The following MIPOL1 variants were observed in gnomAD, a reference collection of about 807,000 sequenced individuals.
MIPOL1 encodes mirror-image polydactyly gene 1 protein.
A neutral mutation model predicts 60.9 loss-of-function variants in MIPOL1; 57 were observed. That is an observed-to-expected ratio of 0.94 (90% CI 0.76 to 1.17). MIPOL1 has a LOEUF of 1.17. MIPOL1 is among the 50% of genes most tolerant of loss of function. The probability of loss-of-function intolerance (pLI) is 0.00; values close to 1 mark genes in which losing one functional copy is unlikely to be tolerated. For synonymous variants in MIPOL1, 179 were observed against 168.8 expected (o/e 1.06, Z -0.47); for missense variants, 551 against 511.6 (o/e 1.08, Z -0.74).
rs529743861 is a variant in MIPOL1 at position 37,450,968 on chromosome 14, C to T, written c.1031+28019C>T. Among the ~76,000 whole-genome samples, 26 of 152,078 alleles carry T rather than the reference C, an allele frequency of 1.7e-4. No individual in the cohort carries two copies. In the South Asian group the frequency reaches 4.8e-3, roughly 28 times the overall value. ...TTTAAGAAGCCTTGTACCCTGATAA[C>T]GTAAAATATTCTGTATTCACTTAAA... On this transcript the variant is annotated intron_variant, in intron 11 of 12. Coordinates refer to ENST00000684589, the MANE Select transcript of MIPOL1 (RefSeq NM_001388067.1).
chr14:37,473,337 A>G (rs1424044635), intron 11 of MIPOL1, among the ~76,000 whole-genome samples: 2 of 152,248 alleles, frequency 1.3e-5, no homozygotes, highest in East Asian at 1.9e-4. Flanking sequence ...TTGTCCAGAC[A>G]TAAGAACTGT....
intron 9 of MIPOL1, among the ~76,000 whole-genome samples, chr14:37,361,309 A>G (rs2092222964): frequency 6.6e-6 from 1 of 152,164 alleles, no homozygotes; most frequent in Non-Finnish European, 1.5e-5. Context: ...TTTGGGGTGA[A>G]GAGTTCTGTA....
intron 12 of MIPOL1, chr14:37,503,456 T>A (rs78746070): frequency 1.3e-5 from 2 of 152,182 alleles, no homozygotes; most frequent in Non-Finnish European, 2.9e-5. Flanking sequence ...ATATTCAACA[T>A]TCTTAAAGAA....
intron 11 of MIPOL1, among the ~76,000 whole-genome samples, chr14:37,468,069 A>AG (rs1328234926): frequency 3.3e-5 from 5 of 151,698 alleles, no homozygotes; most frequent in African/African-American, 9.7e-5. Context: ...AAAAAAAAAA[A>AG]AGAGAGATCA....
Position 37,242,835 on chromosome 14 carries a change from T to A in MIPOL1, c.-198-4268T>A, listed in dbSNP as rs1398264815. On this transcript the variant is annotated intron_variant, in intron 1 of 12. Transcript: ENST00000684589. ...TTCATGAAGGCAGTAGTGCAGGTAATGTGATGAGAAAAGAGTTTCTACTTT... is the reference window on the plus strand; with the variant it reads ...TTCATGAAGGCAGTAGTGCAGGTAAAGTGATGAGAAAAGAGTTTCTACTTT... 4.6e-5 allele frequency among the ~76,000 whole-genome samples: 7 copies of A among 152,272 alleles called. No homozygotes were observed. In the South Asian group the frequency reaches 6.2e-4, roughly 14 times the overall value.
chr14:37,405,201 G>GC (rs1364209400), intron 10 of MIPOL1, among the ~76,000 whole-genome samples: 1 of 152,128 alleles, frequency 6.6e-6, no homozygotes, highest in African/African-American at 2.4e-5. Context: ...GCAGCAGTGT[G>GC]CCCTAGGCTG....
At chr14:37,261,641 A>G (rs1042172706) in intron 3 of MIPOL1, among the ~76,000 whole-genome samples, 4 of 152,146 alleles carry the variant, frequency 2.6e-5, no homozygotes, top group Non-Finnish European at 5.9e-5. Flanking sequence ...GAGAAATCAA[A>G]ATAGAGAAAC....
intron 10 of MIPOL1, among the ~76,000 whole-genome samples, chr14:37,391,500 A>G (rs2093238954): frequency 6.6e-6 from 1 of 150,844 alleles, no homozygotes; most frequent in Non-Finnish European, 1.5e-5. Context: ...AGTTCAAGCC[A>G]TTCTCCTGCC....
At chr14:37,371,598 T>C (rs377190102) in intron 10 of MIPOL1, among the ~76,000 whole-genome samples, 2 of 152,148 alleles carry the variant, frequency 1.3e-5, no homozygotes, top group South Asian at 4.1e-4. Context: ...TTAAAACTCA[T>C]CAACTCAATC....
At chr14:37,201,512 A>G (rs1965340551) in intron 1 of MIPOL1, among the ~76,000 whole-genome samples, 1 of 152,194 alleles carries the variant, frequency 6.6e-6, no homozygotes, top group African/African-American at 2.4e-5. Context: ...AATATATAAT[A>G]TAGTTATTGT....
At chr14:37,325,066 A>G (rs765412771) in intron 9 of MIPOL1, among the ~76,000 whole-genome samples, 73 of 152,130 alleles carry the variant, frequency 4.8e-4, no homozygotes, top group Non-Finnish European at 8.4e-4. Context: ...AATTTCTACA[A>G]AACACCTGAT....
chr14:37,495,105 T>G (rs2095101897), intron 11 of MIPOL1, among the ~76,000 whole-genome samples: 3 of 138,366 alleles, frequency 2.2e-5, no homozygotes, highest in Non-Finnish European at 4.6e-5. Context: ...TTTTTTTTTC[T>G]AGGTAATTTT....
chr14:37,277,470 A>T (rs1273338576), intron 6 of MIPOL1: 2 of 151,360 alleles, frequency 1.3e-5, no homozygotes, highest in Non-Finnish European at 3.0e-5. Flanking sequence ...CACATATATT[A>T]AATCTTTGAA....
At chr14:37,261,851 A>C (rs567804604) in intron 3 of MIPOL1, among the ~76,000 whole-genome samples, 1 of 152,198 alleles carries the variant, frequency 6.6e-6, no homozygotes, top group South Asian at 2.1e-4. Flanking sequence ...GTACAGCTAT[A>C]TTGTGGAGCC....
At position 37,303,097 on chromosome 14, in the gene MIPOL1, G is replaced by T. The variant is rs191950458; in HGVS notation, c.624-4959G>T. Among the ~76,000 whole-genome samples the T allele has an allele frequency of 1.3e-3, 190 of 151,828 alleles. 2 individuals carry two copies. The highest frequency in any genetic ancestry group is 5.6e-4 in the Non-Finnish European group (38 of 67,818). ...TATTCATGAGATTTGCTTCTAAAAA[G>T]ATTTTTATGCTTTAAAAAAATCAAA... On this transcript the variant is annotated intron_variant, in intron 7 of 12. Coordinates refer to ENST00000684589, the MANE Select transcript of MIPOL1 (RefSeq NM_001388067.1).
chr14:37,266,806 C>A (rs2082908973), intron 3 of MIPOL1, 132 bp from the exon 4 acceptor site: 2 of 669,592 alleles, frequency 3.0e-6, no homozygotes, highest in African/African-American at 1.8e-5. Flanking sequence ...TATCTGATTA[C>A]AGTAGGAGTA....
rs531400009 is a variant in MIPOL1, at chr14:37,518,993, A to T, written c.1262+18855A>T. Among the ~76,000 whole-genome samples, 13 of 152,310 alleles carry T rather than the reference A, an allele frequency of 8.5e-5. 1 individual carries two copies. Among genetic ancestry groups the T allele is most frequent in the African/African-American group, 3.1e-4 (13 of 41,572 alleles). Reference sequence around the variant, plus strand: ...CTACAAACGTACTCAAAAACAAGAGATGAAGGATAAAGCGGAAACAGCCTT... The same window carrying T: ...CTACAAACGTACTCAAAAACAAGAGTTGAAGGATAAAGCGGAAACAGCCTT... On this transcript the variant is annotated intron_variant, in intron 12 of 12. Coordinates refer to ENST00000684589, the MANE Select transcript of MIPOL1 (RefSeq NM_001388067.1).
In MIPOL1 at chr14:37,546,894, C is replaced by T. The variant is rs991786; in HGVS notation, c.1263-11C>T. The stretch of plus-strand genomic sequence containing the variant: ...TTTCCCCTTCTCACCCCCATCCCAA[C>T]CCCAACTTAGGTTGGAAAGGCTGGT... On this transcript the variant is annotated splice_polypyrimidine_tract_variant and intron_variant, in intron 12 of 12. Coordinates refer to ENST00000684589, the MANE Select transcript of MIPOL1 (RefSeq NM_001388067.1). The T allele has an allele frequency of 0.099, 159,869 of 1,610,356 alleles. 8,934 individuals are homozygous for T. The highest frequency in any genetic ancestry group is 0.11 in the Non-Finnish European group (130,659 of 1,176,996).
chr14:37,426,564 A>AATATATATATAT (rs2093963139), intron 11 of MIPOL1, among the ~76,000 whole-genome samples: 4 of 20,624 alleles, frequency 1.9e-4, no homozygotes, highest in South Asian at 1.8e-3. Context: ...TCTGTCTCAA[A>AATATATATATAT]ATATACATAT....
Sources: gnomAD v4.1 joint callset for allele counts (sites outside exome capture counted in the v4.1 genomes callset) on GRCh38, gnomAD v4.1.1 for gene constraint, MANE v1.5 for transcripts, NCBI Gene and HGNC (gene_info 2026-07-23, HGNC 2026-07-21) for gene names.